The following RERE variants were observed in gnomAD, a reference collection of about 807,000 sequenced individuals.
RERE encodes arginine-glutamic acid dipeptide repeats.
RERE carries 40 observed loss-of-function variants against 146.1 expected under a neutral mutation model. That is an observed-to-expected ratio of 0.27 (90% CI 0.21 to 0.36). The LOEUF (loss-of-function observed/expected upper bound fraction) is 0.36, where lower values mean the gene tolerates loss of function less well. RERE is among the 10% of genes least tolerant of loss of function. RERE has a pLI of 1.00. For synonymous variants in RERE, 1,003 were observed against 866.0 expected (o/e 1.16, Z -2.78); for missense variants, 1,933 against 2,138.7 (o/e 0.90, Z 1.90).
chr1:8,533,871 GATCAA>G (rs984585666), intron 7 of RERE, among the ~76,000 whole-genome samples: 3 of 152,322 alleles, frequency 2.0e-5, no homozygotes, highest in African/African-American at 7.2e-5. Context: ...TTTTTGAAAT[GATCAA>G]ATCAAATGAT....
At chr1:8,660,789 T>G (rs1194104726) in intron 1 of RERE, among the ~76,000 whole-genome samples, 1 of 152,238 alleles carries the variant, frequency 6.6e-6, no homozygotes, top group Admixed American at 6.5e-5. Flanking sequence ...TGTCAATCAC[T>G]ACCCAACCCA....
intron 1 of RERE, among the ~76,000 whole-genome samples, chr1:8,768,549 T>A (rs892290926): frequency 6.6e-6 from 1 of 152,174 alleles, no homozygotes; most frequent in Non-Finnish European, 1.5e-5. Context: ...ATGCAGCTAG[T>A]GTGACTGAAG....
At chr1:8,629,765 C>T (rs561866556) in intron 2 of RERE, among the ~76,000 whole-genome samples, 1 of 152,316 alleles carries the variant, frequency 6.6e-6, no homozygotes, top group South Asian at 2.1e-4. Flanking sequence ...TCAGCCACTG[C>T]TCCACCTCAT....
chr1:8,727,533 C>T (rs949236661), intron 1 of RERE, among the ~76,000 whole-genome samples: 27 of 151,664 alleles, frequency 1.8e-4, no homozygotes, highest in African/African-American at 6.0e-4. Context: ...CTCGCTCTGT[C>T]GCCAGGCTGT....
intron 1 of RERE, among the ~76,000 whole-genome samples, chr1:8,789,301 A>ATATATAT (rs1553149621): frequency 4.0e-5 from 1 of 24,814 alleles, no homozygotes; most frequent in African/African-American, 2.3e-4. Flanking sequence ...AAAAAAAAAA[A>ATATATAT]ATATATATAT....
chr1:8,451,441 CA>C (rs34495671), intron 11 of RERE, among the ~76,000 whole-genome samples: 1 of 151,392 alleles, frequency 6.6e-6, no homozygotes, highest in Non-Finnish European at 1.5e-5. Flanking sequence ...CAAAAAAGAA[CA>C]AAAAAAATAC....
intron 12 of RERE, among the ~76,000 whole-genome samples, chr1:8,386,018 A>ATTTTTTT (rs1428623957): frequency 2.4e-5 from 1 of 41,904 alleles, no homozygotes; most frequent in East Asian, 6.5e-4. Context: ...ATATATATAT[A>ATTTTTTT]TATATTTTTT....
At chr1:8,385,968 TAA>T (rs34493389) in intron 12 of RERE, among the ~76,000 whole-genome samples, 34 of 9,464 alleles carry the variant, frequency 3.6e-3, no homozygotes, top group African/African-American at 6.8e-3. Flanking sequence ...GACTCCGTCT[TAA>T]AAAAAAAAAA....
chr1:8,761,193 C>T (rs953667553), intron 1 of RERE, among the ~76,000 whole-genome samples: 7 of 152,194 alleles, frequency 4.6e-5, no homozygotes, highest in African/African-American at 1.7e-4. Context: ...TTAAACAACA[C>T]CAGAGCAATC....
intron 1 of RERE, among the ~76,000 whole-genome samples, chr1:8,783,657 T>G (rs1402753386): frequency 6.6e-6 from 1 of 152,112 alleles, no homozygotes; most frequent in Non-Finnish European, 1.5e-5. Context: ...GAAATTAAAT[T>G]TTTTAAAAAA....
At chr1:8,576,177 G>C (rs1646292192) in intron 4 of RERE, among the ~76,000 whole-genome samples, 1 of 151,924 alleles carries the variant, frequency 6.6e-6, no homozygotes, top group Non-Finnish European at 1.5e-5. Flanking sequence ...GTGTGTAAAG[G>C]GGTATTTATT....
At chr1:8,670,532 G>GA (rs1557470955) in intron 1 of RERE, among the ~76,000 whole-genome samples, 1 of 151,992 alleles carries the variant, frequency 6.6e-6, no homozygotes, top group South Asian at 2.1e-4. Flanking sequence ...ATGTGCTATA[G>GA]AAAAAAAATA....
At chr1:8,641,289 A>T (rs1025139582) in intron 2 of RERE, among the ~76,000 whole-genome samples, 2 of 152,222 alleles carry the variant, frequency 1.3e-5, no homozygotes, top group African/African-American at 4.8e-5. Context: ...AAACTGATAG[A>T]GTATAACAGA....
chr1:8,816,901 A>C (rs886547312), intron 1 of RERE, among the ~76,000 whole-genome samples: 1 of 152,200 alleles, frequency 6.6e-6, no homozygotes, highest in Non-Finnish European at 1.5e-5. Flanking sequence ...ACCTCAAACA[A>C]GTAGAACAAG....
At chr1:8,716,147 G>A (rs1639759891) in intron 1 of RERE, among the ~76,000 whole-genome samples, 2 of 149,464 alleles carry the variant, frequency 1.3e-5, no homozygotes, top group African/African-American at 4.9e-5. Flanking sequence ...CCCATCTCGA[G>A]GGAAAAAAAA....
intron 1 of RERE, among the ~76,000 whole-genome samples, chr1:8,657,467 C>T (rs1638349580): frequency 6.6e-6 from 1 of 152,154 alleles, no homozygotes; most frequent in Admixed American, 6.5e-5. Flanking sequence ...AGCTTCAGAG[C>T]AAGATTTTTC....
chr1:8,372,834 T>C (rs187346436), intron 12 of RERE, among the ~76,000 whole-genome samples: 2 of 152,278 alleles, frequency 1.3e-5, no homozygotes, highest in East Asian at 3.9e-4. Context: ...CTTGTGCCAC[T>C]AGTGAGGGTC....
At chr1:8,484,595 G>A (rs1644875142) in intron 10 of RERE, among the ~76,000 whole-genome samples, 1 of 151,870 alleles carries the variant, frequency 6.6e-6, no homozygotes, top group African/African-American at 2.4e-5. Flanking sequence ...GCTAATTTTT[G>A]TAATTTTAGT....
In RERE at chr1:8,781,371, A is replaced by AAC. The variant is rs1444519764; in HGVS notation, c.-145+35787_-145+35788dup. On this transcript the variant is annotated intron_variant, in intron 1 of 22. Coordinates refer to ENST00000400908, the MANE Select transcript of RERE (RefSeq NM_001042681.2). ...GACTCCGTCTCAAAAAAAAAAAAAC[A>AAC]ACTTTTTTTTAAATTAGCTGGGTGT... Among the ~76,000 whole-genome samples, 203 of 149,820 alleles carry AAC rather than the reference A, an allele frequency of 1.4e-3. 1 individual carries two copies. Among genetic ancestry groups the AAC allele is most frequent in the African/African-American group, 4.8e-3 (195 of 40,744 alleles).
Sources: allele counts gnomAD v4.1 joint callset (sites outside exome capture counted in the v4.1 genomes callset), GRCh38; gene constraint gnomAD v4.1.1; transcripts MANE v1.5; gene names NCBI Gene and HGNC (gene_info 2026-07-23, HGNC 2026-07-21).